The following ABI3BP variants were observed in gnomAD, a reference collection of about 807,000 sequenced individuals.
ABI3BP encodes ABI family member 3 binding protein, also known as target of Nesh-SH3.
ABI3BP carries 216 observed loss-of-function variants against 268.6 expected under a neutral mutation model. The observed-to-expected ratio is 0.80, with a 90% CI of 0.72 to 0.90. The LOEUF (loss-of-function observed/expected upper bound fraction) is 0.90, where lower values mean the gene tolerates loss of function less well. Ranked by LOEUF, ABI3BP falls within the 40% of genes least tolerant of loss-of-function variation. The pLI is 0.00. For missense variants in ABI3BP, 2,090 were observed against 2,182.4 expected, an observed-to-expected ratio of 0.96 and a Z score of 0.84; for synonymous variants, 730 against 730.0, an observed-to-expected ratio of 1.00 and a Z score of 0.00.
intron 1 of ABI3BP, among the ~76,000 whole-genome samples, chr3:100,970,955 C>G (rs2083340272): frequency 6.6e-6 from 1 of 152,148 alleles, no homozygotes; most frequent in Non-Finnish European, 1.5e-5. Flanking sequence ...TTCCTTAAAT[C>G]CTAATCAAAA....
intron 62 of ABI3BP, among the ~76,000 whole-genome samples, chr3:100,768,671 T>C (rs1051910901): frequency 1.3e-5 from 2 of 152,250 alleles, no homozygotes; most frequent in Non-Finnish European, 2.9e-5. Context: ...CTTATTTTTC[T>C]CCTCAGGATA....
At chr3:100,969,160 A>G (rs1309226110) in intron 1 of ABI3BP, among the ~76,000 whole-genome samples, 2 of 152,244 alleles carry the variant, frequency 1.3e-5, no homozygotes, top group East Asian at 3.8e-4. Flanking sequence ...AATCAGAGCC[A>G]GGACTTCCAC....
At chr3:100,964,588 C>A (rs1352837082) in intron 1 of ABI3BP, among the ~76,000 whole-genome samples, 3 of 152,184 alleles carry the variant, frequency 2.0e-5, no homozygotes, top group Non-Finnish European at 4.4e-5. Context: ...GACAACGTAG[C>A]CACTTCACTA....
chr3:100,832,314 T>C lies in ABI3BP; in HGVS notation c.2351A>G (p.His784Arg), dbSNP rs1165329431. 6.5e-7 allele frequency: 1 copy of C among 1,535,450 alleles called. No individual in the cohort carries two copies. The highest frequency in any genetic ancestry group is 1.2e-5 in the South Asian group (1 of 84,040). Reference sequence around the variant, plus strand: ...ATGGGGCGTGGTTTTAGGTTTGGGATGTGGACGACGGGTTCTTTTTGTTGT... The same window carrying C: ...ATGGGGCGTGGTTTTAGGTTTGGGACGTGGACGACGGGTTCTTTTTGTTGT... The part of the protein sequence containing the change: ...TTTTKRTRRP[H>R]PKPKTTPHPE... The change falls in exon 31 of 68, where the codon CAT (histidine) becomes CGT (arginine). Residue 784 changes from histidine to arginine, a missense_variant. Coordinates refer to ENST00000471714, the MANE Select transcript of ABI3BP (RefSeq NM_001375547.2).
chr3:100,969,182 G>T (rs1393532079), intron 1 of ABI3BP, among the ~76,000 whole-genome samples: 1 of 152,202 alleles, frequency 6.6e-6, no homozygotes, highest in Non-Finnish European at 1.5e-5. Flanking sequence ...CATACAGCCT[G>T]CAGTAAGCCA....
At chr3:100,938,933 G>T (rs981979370) in intron 1 of ABI3BP, among the ~76,000 whole-genome samples, 2 of 152,034 alleles carry the variant, frequency 1.3e-5, no homozygotes, top group Non-Finnish European at 2.9e-5. Context: ...TGTTGGGGGG[G>T]CATGTGTGTG....
intron 1 of ABI3BP, among the ~76,000 whole-genome samples, chr3:100,975,406 G>A (rs936096547): frequency 6.6e-6 from 1 of 152,064 alleles, no homozygotes; most frequent in African/African-American, 2.4e-5. Flanking sequence ...AGCTGCCTTG[G>A]GGGAGATGGG....
At chr3:100,921,446 A>C (rs1189764051) in intron 2 of ABI3BP, among the ~76,000 whole-genome samples, 1 of 152,150 alleles carries the variant, frequency 6.6e-6, no homozygotes, top group Non-Finnish European at 1.5e-5. Flanking sequence ...AATTACTAGC[A>C]GCTGACCATA....
intron 14 of ABI3BP, among the ~76,000 whole-genome samples, chr3:100,852,368 A>G (rs2098855951): frequency 6.6e-6 from 1 of 152,212 alleles, no homozygotes; most frequent in Non-Finnish European, 1.5e-5. Flanking sequence ...TCTGCTTAGT[A>G]AAAGTTACTG....
At chr3:100,875,042 G>A in intron 8 of ABI3BP, 109 bp from the exon 9 acceptor site, 2 of 569,268 alleles carry the variant, frequency 3.5e-6, no homozygotes, top group Non-Finnish European at 6.0e-6. Context: ...CACTTATTTT[G>A]CTTAGTAAAT....
chr3:100,916,816 A>G (rs1182551432), intron 2 of ABI3BP, among the ~76,000 whole-genome samples: 1 of 152,218 alleles, frequency 6.6e-6, no homozygotes, highest in African/African-American at 2.4e-5. Context: ...AGTGGCAGAG[A>G]AAAGGCTGGG....
intron 63 of ABI3BP, among the ~76,000 whole-genome samples, chr3:100,760,685 G>A (rs1016011313): frequency 2.0e-5 from 3 of 152,134 alleles, no homozygotes; most frequent in African/African-American, 7.2e-5. Flanking sequence ...ATAAGCAGTG[G>A]TGTAAGACTT....
chr3:100,914,482 C>T (rs1466054311), intron 2 of ABI3BP: 1 of 454,318 alleles, frequency 2.2e-6, no homozygotes, highest in Non-Finnish European at 4.4e-6. Context: ...CTAGGAACAG[C>T]AGCCACTGCT....
chr3:100,961,212 C>A (rs978727593), intron 1 of ABI3BP, among the ~76,000 whole-genome samples: 2 of 152,224 alleles, frequency 1.3e-5, no homozygotes, highest in Non-Finnish European at 2.9e-5. Flanking sequence ...CCCAAATATA[C>A]CTCACCCCAG....
chr3:100,824,752 GCTTA>G, intron 36 of ABI3BP, 102 bp downstream of exon 36: 1 of 919,050 alleles, frequency 1.1e-6, no homozygotes. Context: ...ATGCCCTCGT[GCTTA>G]GGGAGAATAA....
chr3:100,787,446 G>A (rs748111474), intron 57 of ABI3BP, among the ~76,000 whole-genome samples: 17 of 152,058 alleles, frequency 1.1e-4, no homozygotes, highest in Non-Finnish European at 1.9e-4. Context: ...GCTATTTTTA[G>A]TGTTTTCACT....
chr3:100,854,738 C>T (rs756949906), intron 14 of ABI3BP, among the ~76,000 whole-genome samples: 4 of 151,974 alleles, frequency 2.6e-5, no homozygotes, highest in Non-Finnish European at 2.9e-5. Context: ...TAGGTTAAAT[C>T]GAATGCAACA....
chr3:100,886,659 T>C (rs1174067428), intron 4 of ABI3BP, among the ~76,000 whole-genome samples: 1 of 151,974 alleles, frequency 6.6e-6, no homozygotes, highest in Non-Finnish European at 1.5e-5. Flanking sequence ...TAATATTCTA[T>C]TATACATAGA....
intron 1 of ABI3BP, among the ~76,000 whole-genome samples, chr3:100,955,521 A>T (rs2076523980): frequency 2.0e-5 from 3 of 152,286 alleles, no homozygotes; most frequent in Admixed American, 1.3e-4. Flanking sequence ...TAAGATTTTA[A>T]ATTAGACTAT....
Sources: gnomAD v4.1 joint callset for allele counts (sites outside exome capture counted in the v4.1 genomes callset) on GRCh38, gnomAD v4.1.1 for gene constraint, MANE v1.5 for transcripts, NCBI Gene and HGNC (gene_info 2026-07-23, HGNC 2026-07-21) for gene names.